Variants in RTF1 observed in about 807,000 individuals in gnomAD.
The protein encoded by RTF1 is RTF1 homolog, Paf1/RNA polymerase II complex component.
A neutral mutation model predicts 95.7 loss-of-function variants in RTF1; 10 were observed. That is an observed-to-expected ratio of 0.10 (90% CI 0.06 to 0.18). The LOEUF (loss-of-function observed/expected upper bound fraction) is 0.18, where lower values mean the gene tolerates loss of function less well. Ranked by LOEUF, RTF1 falls within the 10% of genes least tolerant of loss-of-function variation. The pLI is 1.00. For missense variants in RTF1, 458 were observed against 875.6 expected (o/e 0.52, Z 6.02); for synonymous variants, 305 against 311.8 (o/e 0.98, Z 0.23).
chr15:41,439,637 C>T (rs2050722690), intron 2 of RTF1, among the ~76,000 whole-genome samples: 1 of 152,152 alleles, frequency 6.6e-6, no homozygotes, highest in South Asian at 2.1e-4. Context: ...ACATGTTTCT[C>T]ATTTGATTTA....
chr15:41,431,367 A>C (rs2140948233), intron 1 of RTF1, among the ~76,000 whole-genome samples: 1 of 151,424 alleles, frequency 6.6e-6, no homozygotes, highest in Non-Finnish European at 1.5e-5. Context: ...GGCGCCTGCC[A>C]CCACGCCCAG....
At chr15:41,438,273 T>G (rs138016818) in intron 1 of RTF1, 48 bp from the exon 2 acceptor site, 1 of 1,289,328 alleles carries the variant, frequency 7.8e-7, no homozygotes, top group Non-Finnish European at 1.1e-6. Context: ...TTCTTGGATA[T>G]TCTTTCTCTG....
chr15:41,461,910 A>AT (rs900842467), intron 4 of RTF1, among the ~76,000 whole-genome samples: 1 of 142,468 alleles, frequency 7.0e-6, no homozygotes, highest in South Asian at 2.2e-4. Context: ...TGGCCCTGTA[A>AT]TTTTTTTTTC....
At chr15:41,450,358 A>G (rs890427145) in intron 2 of RTF1, among the ~76,000 whole-genome samples, 6 of 149,184 alleles carry the variant, frequency 4.0e-5, no homozygotes, top group South Asian at 2.1e-4. Flanking sequence ...TCGGGAGTCC[A>G]AGGTCCAGCC....
chr15:41,417,717 G>A (rs1177292423), intron 1 of RTF1, among the ~76,000 whole-genome samples: 1 of 152,220 alleles, frequency 6.6e-6, no homozygotes, highest in East Asian at 1.9e-4. Context: ...GCAAGGGTGC[G>A]CGTCGAGCAG....
At chr15:41,441,449 A>G (rs145875126) in intron 2 of RTF1, among the ~76,000 whole-genome samples, 1 of 152,122 alleles carries the variant, frequency 6.6e-6, no homozygotes, top group Non-Finnish European at 1.5e-5. Context: ...TCTGCTTGGA[A>G]CACATTCATT....
At chr15:41,468,849 A>G (rs895033765) in intron 6 of RTF1, among the ~76,000 whole-genome samples, 2 of 152,156 alleles carry the variant, frequency 1.3e-5, no homozygotes, top group Non-Finnish European at 2.9e-5. Context: ...GTTTTTAGCA[A>G]CTTCCAAAGA....
At chr15:41,436,840 G>A (rs1355932806) in intron 1 of RTF1, among the ~76,000 whole-genome samples, 1 of 151,940 alleles carries the variant, frequency 6.6e-6, no homozygotes, top group South Asian at 2.1e-4. Context: ...TGTAATCCCA[G>A]CACTTTGGGA....
At chr15:41,471,961 T>C (rs1270953147) in intron 8 of RTF1, among the ~76,000 whole-genome samples, 10 of 149,942 alleles carry the variant, frequency 6.7e-5, no homozygotes, top group South Asian at 2.1e-4. Context: ...TGCAATGGCG[T>C]GGTCTTGGCT....
At chr15:41,462,648 T>A (rs2050856680) in intron 4 of RTF1, among the ~76,000 whole-genome samples, 1 of 152,202 alleles carries the variant, frequency 6.6e-6, no homozygotes, top group Non-Finnish European at 1.5e-5. Flanking sequence ...CACAATTAAT[T>A]CTAGAGCATT....
At chr15:41,426,336 C>T (rs1309720505) in intron 1 of RTF1, among the ~76,000 whole-genome samples, 10 of 150,880 alleles carry the variant, frequency 6.6e-5, no homozygotes, top group Admixed American at 1.3e-4. Flanking sequence ...GATAGAGTCT[C>T]GCTCTGTCGC....
intron 1 of RTF1, among the ~76,000 whole-genome samples, chr15:41,433,383 G>A (rs2050685588): frequency 6.6e-6 from 1 of 152,146 alleles, no homozygotes; most frequent in African/African-American, 2.4e-5. Flanking sequence ...TGCCCAGGCT[G>A]GAGTGCACTG....
At chr15:41,477,572 T>A (rs1207160845) in intron 14 of RTF1, 57 bp downstream of exon 14, 1 of 1,487,628 alleles carries the variant, frequency 6.7e-7, no homozygotes, top group Admixed American at 1.7e-5. Context: ...CCATGACATC[T>A]TTTCTACATC....
rs771473826 is a variant in RTF1 at position 41,457,884 on chromosome 15, T to G, written c.662+8T>G. The G allele has an allele frequency of 1.2e-6, 2 of 1,610,132 alleles. No homozygotes were observed. Among genetic ancestry groups the G allele is most frequent in the South Asian group, 2.2e-5 (2 of 90,948 alleles). On this transcript the variant is annotated splice_region_variant and intron_variant, in intron 4 of 17. Transcript: ENST00000389629. ...GGAGGTGTTGAAAAGAAGGTAAGGT[T>G]GTCCTCGTCGTTGTCCCCCCCCCGC... is the stretch of plus-strand genomic sequence containing the variant.
chr15:41,454,973 C>T (rs1041973268), intron 3 of RTF1, among the ~76,000 whole-genome samples: 1 of 152,110 alleles, frequency 6.6e-6, no homozygotes, highest in South Asian at 2.1e-4. Flanking sequence ...TTTTTTGGGG[C>T]TTATACTCTT....
chr15:41,431,103 A>C lies in RTF1; in HGVS notation c.199-7218A>C, dbSNP rs888764512. 2.0e-5 allele frequency among the ~76,000 whole-genome samples: 3 copies of C among 150,526 alleles called. No homozygotes were observed. In the South Asian group the frequency reaches 6.3e-4, roughly 32 times the overall value. ...GTATTTTTAGTAGAGACGGGGTTTCATCATGTTGGCCAGGCTGGTCTTGAA... is the reference window on the plus strand; with the variant it reads ...GTATTTTTAGTAGAGACGGGGTTTCCTCATGTTGGCCAGGCTGGTCTTGAA... On this transcript the variant is annotated intron_variant, in intron 1 of 17. Coordinates refer to ENST00000389629, the MANE Select transcript of RTF1 (RefSeq NM_015138.5).
chr15:41,437,233 C>T (rs2050709070), intron 1 of RTF1, among the ~76,000 whole-genome samples: 1 of 151,864 alleles, frequency 6.6e-6, no homozygotes, highest in African/African-American at 2.4e-5. Context: ...TGGGGGCTCA[C>T]ATCTGTAATC....
chr15:41,466,593 T>C (rs1353833199), intron 6 of RTF1, among the ~76,000 whole-genome samples: 1 of 152,210 alleles, frequency 6.6e-6, no homozygotes, highest in African/African-American at 2.4e-5. Flanking sequence ...ATGAACTCTT[T>C]GTCAAATATC....
Position 41,480,839 on chromosome 15 carries a change from C to T in RTF1, c.*152C>T. On this transcript the variant is annotated 3_prime_UTR_variant, in exon 18 of 18. Coordinates refer to ENST00000389629, the MANE Select transcript of RTF1 (RefSeq NM_015138.5). ...AGTCATCTGTAATATAAACCATTTGCTGTATAGACCTCCTTTGTCTGCACA... is the reference window on the plus strand; with the variant it reads ...AGTCATCTGTAATATAAACCATTTGTTGTATAGACCTCCTTTGTCTGCACA... The T allele has an allele frequency of 1.6e-6, 1 of 633,234 alleles. No individual in the cohort carries two copies. Among genetic ancestry groups the T allele is most frequent in the Non-Finnish European group, 2.8e-6 (1 of 351,486 alleles). The allele number at this position is 633,234 out of a possible 1,614,324, so 39.2% of individuals were successfully genotyped here. A position where few individuals can be genotyped will look rare whatever the true frequency, so the allele number is the denominator to read the frequency against.
Sources: allele counts gnomAD v4.1 joint callset (sites outside exome capture counted in the v4.1 genomes callset), GRCh38; gene constraint gnomAD v4.1.1; transcripts MANE v1.5; gene names NCBI Gene and HGNC (gene_info 2026-07-23, HGNC 2026-07-21).